WDR76: variants seen among roughly 807,000 people sequenced by gnomAD.
WDR76 encodes the protein WD repeat domain 76.
Under a neutral mutation model 70.2 loss-of-function variants are expected in WDR76, and 52 were observed. The observed-to-expected ratio is 0.74, with a 90% CI of 0.59 to 0.93. The LOEUF (loss-of-function observed/expected upper bound fraction) is 0.93, where lower values mean the gene tolerates loss of function less well. Ranked by LOEUF, WDR76 falls within the 40% of genes least tolerant of loss-of-function variation. The pLI is 0.00. For missense variants in WDR76, 756 were observed against 760.2 expected (o/e 0.99, Z 0.07); for synonymous variants, 292 against 271.1 (o/e 1.08, Z -0.76).
intron 9 of WDR76, among the ~76,000 whole-genome samples, chr15:43,855,441 C>T (rs1326077571): frequency 6.6e-6 from 1 of 152,052 alleles, no homozygotes; most frequent in Non-Finnish European, 1.5e-5. Flanking sequence ...TTGAGTATGC[C>T]AAGTTTTCAT....
At chr15:43,832,435 T>G (rs1254474362) in intron 2 of WDR76, among the ~76,000 whole-genome samples, 2 of 151,744 alleles carry the variant, frequency 1.3e-5, no homozygotes, top group Non-Finnish European at 2.9e-5. Context: ...CATCTTTGTT[T>G]TTTTTTTGTT....
At chr15:43,828,791 ATAT>A (rs2087550115) in intron 2 of WDR76, among the ~76,000 whole-genome samples, 1 of 152,222 alleles carries the variant, frequency 6.6e-6, no homozygotes. Context: ...GTGTTGAATA[ATAT>A]TTCCTTTAAA....
intron 4 of WDR76, among the ~76,000 whole-genome samples, chr15:43,837,936 C>T (rs148276912): frequency 0.018 from 2,651 of 146,260 alleles, 82 homozygotes; most frequent in African/African-American, 0.062. Flanking sequence ...AGTGCAGTGG[C>T]GCGATCTCGG....
At chr15:43,856,068 A>C (rs1253245002) in intron 9 of WDR76, among the ~76,000 whole-genome samples, 1 of 152,004 alleles carries the variant, frequency 6.6e-6, no homozygotes, top group South Asian at 2.1e-4. Flanking sequence ...GCCTTTTGCA[A>C]CTCTTTTCAC....
chr15:43,859,393 G>A (rs975569810), intron 11 of WDR76, among the ~76,000 whole-genome samples: 3 of 152,194 alleles, frequency 2.0e-5, no homozygotes, highest in African/African-American at 7.2e-5. Context: ...GAACATTAGT[G>A]TAATCACAAA....
intron 12 of WDR76, among the ~76,000 whole-genome samples, chr15:43,862,650 A>G (rs943975158): frequency 1.8e-4 from 28 of 151,540 alleles, no homozygotes; most frequent in Non-Finnish European, 1.5e-4. Context: ...CTGGGACTAC[A>G]GGCGCCTGCC....
intron 11 of WDR76, among the ~76,000 whole-genome samples, chr15:43,860,503 TA>T (rs2087982321): frequency 6.6e-6 from 1 of 152,206 alleles, no homozygotes; most frequent in Non-Finnish European, 1.5e-5. Flanking sequence ...GATGTTTTTT[TA>T]GAGACAGTAT....
In WDR76 at chr15:43,860,605, C is replaced by T. The variant is rs888715202; in HGVS notation, c.1563-728C>T. Reference sequence around the variant, plus strand: ...GCTCCAGCCAACTTACGGGCTCTAGCAATCTTACGGCCTCAGCTTCCCAAG... The same window carrying T: ...GCTCCAGCCAACTTACGGGCTCTAGTAATCTTACGGCCTCAGCTTCCCAAG... On this transcript the variant is annotated intron_variant, in intron 11 of 12. Transcript: ENST00000263795. Among the ~76,000 whole-genome samples, 9 of 152,074 alleles carry T rather than the reference C, an allele frequency of 5.9e-5. No individual in the cohort carries two copies. In the South Asian group the frequency reaches 1.9e-3, roughly 31 times the overall value.
At chr15:43,865,107 T>A (rs1033691891) in intron 12 of WDR76, among the ~76,000 whole-genome samples, 74 of 150,094 alleles carry the variant, frequency 4.9e-4, no homozygotes, top group Non-Finnish European at 9.8e-4. Context: ...TTTTTATTTT[T>A]TTTTTTGAGA....
intron 8 of WDR76, among the ~76,000 whole-genome samples, chr15:43,848,466 C>T (rs1019552619): frequency 4.6e-5 from 7 of 152,080 alleles, no homozygotes; most frequent in Admixed American, 2.6e-4. Context: ...TTGGGTATTC[C>T]GATTTTTCCT....
intron 10 of WDR76, among the ~76,000 whole-genome samples, chr15:43,857,839 A>G (rs904292338): frequency 4.2e-4 from 64 of 151,212 alleles, no homozygotes; most frequent in African/African-American, 1.5e-3. Flanking sequence ...AAAAAAAAAA[A>G]AAAAAGTCTT....
At chr15:43,844,978 T>G (rs1477386035) in intron 8 of WDR76, among the ~76,000 whole-genome samples, 1 of 141,764 alleles carries the variant, frequency 7.1e-6, no homozygotes, top group African/African-American at 2.5e-5. Context: ...TTTCTTTTTT[T>G]GGAGAGGGAG....
chr15:43,856,868 C>A (rs1331061608), intron 9 of WDR76, 78 bp from the exon 10 acceptor site: 1 of 1,319,766 alleles, frequency 7.6e-7, no homozygotes, highest in Non-Finnish European at 1.0e-6. Flanking sequence ...TTTTATAACC[C>A]TTTTACCAAA....
rs544412585 is a variant in WDR76, at chr15:43,847,370, C to T, written c.1032+3316C>T. Reference sequence around the variant, plus strand: ...CTGCCTCCTGGGTTCAGGTGATTCTCGTGCCTCAGCCTCCTGAGTAGCTGG... The same window carrying T: ...CTGCCTCCTGGGTTCAGGTGATTCTTGTGCCTCAGCCTCCTGAGTAGCTGG... On this transcript the variant is annotated intron_variant, in intron 8 of 12. Coordinates refer to ENST00000263795, the MANE Select transcript of WDR76 (RefSeq NM_024908.4). 2.0e-3 allele frequency among the ~76,000 whole-genome samples: 299 copies of T among 151,932 alleles called. 2 individuals carry two copies. Among genetic ancestry groups the T allele is most frequent in the African/African-American group, 6.8e-3 (281 of 41,444 alleles).
At chr15:43,852,888 C>G (rs1164550127) in intron 9 of WDR76, among the ~76,000 whole-genome samples, 1 of 151,978 alleles carries the variant, frequency 6.6e-6, no homozygotes, top group African/African-American at 2.4e-5. Context: ...TCTATTCTTT[C>G]TTTATATATT....
intron 4 of WDR76, 95 bp from the exon 5 acceptor site, chr15:43,839,510 C>T: frequency 8.1e-7 from 1 of 1,239,714 alleles, no homozygotes; most frequent in East Asian, 2.6e-5. Context: ...ATAAATATAT[C>T]TGTGGTATAT....
intron 4 of WDR76, among the ~76,000 whole-genome samples, chr15:43,837,671 A>G (rs574571897): frequency 9.2e-5 from 14 of 152,082 alleles, no homozygotes; most frequent in South Asian, 2.1e-4. Flanking sequence ...AAGGATTTAA[A>G]TTTTTTGAAA....
chr15:43,856,739 C>T (rs749752259), intron 9 of WDR76, among the ~76,000 whole-genome samples: 5 of 151,822 alleles, frequency 3.3e-5, no homozygotes, highest in Non-Finnish European at 7.4e-5. Context: ...GTTCCCAACA[C>T]ATAGAAATGA....
intron 1 of WDR76, 147 bp downstream of exon 1, chr15:43,827,239 G>A: frequency 1.1e-6 from 1 of 895,176 alleles, no homozygotes; most frequent in South Asian, 1.6e-5. Flanking sequence ...TTTGACGAAA[G>A]GTTCTTATCA....
Sources: allele counts gnomAD v4.1 joint callset (sites outside exome capture counted in the v4.1 genomes callset), GRCh38; gene constraint gnomAD v4.1.1; transcripts MANE v1.5; gene names NCBI Gene and HGNC (gene_info 2026-07-23, HGNC 2026-07-21).